The following PREP variants were observed in gnomAD, a reference collection of about 807,000 sequenced individuals.
PREP encodes the protein prolyl endopeptidase.
Under a neutral mutation model 87.6 loss-of-function variants are expected in PREP, and 29 were observed. The ratio of observed to expected loss-of-function variants is 0.33; its 90% CI spans 0.25 to 0.45. The LOEUF (loss-of-function observed/expected upper bound fraction) is 0.45. Ranked by LOEUF, PREP falls within the 20% of genes least tolerant of loss-of-function variation. PREP has a pLI of 1.00. For missense variants in PREP, 695 were observed against 886.5 expected, an observed-to-expected ratio of 0.78 and a Z score of 2.74; for synonymous variants, 337 against 328.6, an observed-to-expected ratio of 1.03 and a Z score of -0.28.
At chr6:105,313,619 A>T (rs1473134320) in intron 10 of PREP, among the ~76,000 whole-genome samples, 1 of 152,242 alleles carries the variant, frequency 6.6e-6, no homozygotes, top group Non-Finnish European at 1.5e-5. Context: ...AAATAGGGTG[A>T]GAGACACTGG....
At chr6:105,302,556 C>A in intron 10 of PREP, 1 of 394,902 alleles carries the variant, frequency 2.5e-6, no homozygotes, top group South Asian at 2.2e-5. Flanking sequence ...GTGGCGCAGG[C>A]GCATGTTTTC....
chr6:105,357,858 G>A (rs1273170175), intron 6 of PREP, among the ~76,000 whole-genome samples: 1 of 150,654 alleles, frequency 6.6e-6, no homozygotes, highest in Non-Finnish European at 1.5e-5. Flanking sequence ...AAGCAGGCAA[G>A]CCAAGAGCCC....
At chr6:105,372,667 G>A (rs1772590819) in intron 5 of PREP, among the ~76,000 whole-genome samples, 1 of 152,204 alleles carries the variant, frequency 6.6e-6, no homozygotes, top group South Asian at 2.1e-4. Context: ...ACCAACAGGT[G>A]ACCTATAACT....
At chr6:105,289,188 C>T (rs1434317026) in intron 10 of PREP, among the ~76,000 whole-genome samples, 1 of 152,186 alleles carries the variant, frequency 6.6e-6, no homozygotes, top group African/African-American at 2.4e-5. Flanking sequence ...CTCAATTCTG[C>T]ATCCCCACAT....
At position 105,282,531 on chromosome 6, in the gene PREP, G is replaced by A. The variant is rs766532606; in HGVS notation, c.1601C>T (p.Ala534Val). 2.5e-6 allele frequency: 4 copies of A among 1,614,146 alleles called. No homozygotes were observed. In the South Asian group the frequency reaches 3.3e-5, roughly 13 times the overall value. The change falls in exon 13 of 15, where the codon GCT becomes GTT. Residue 534 changes from alanine (A) to valine (V), a missense_variant. Physicochemically the swap from Ala to Val is moderately conservative, Grantham distance 64. This residue lies in a region of PREP where 35 missense variants were observed against 36.0 expected (regional missense o/e 0.97). Coordinates refer to ENST00000652536, the MANE Select transcript of PREP (RefSeq NM_002726.5). ...GTAACCTTCCTTGATCAGATACTCA[G>A]CAGCACACTGAAAGTCATCAAAGCA... ...QNCFDDFQCA[A>V]EYLIKEGYTS... is the part of the protein sequence containing the mutation.
At chr6:105,338,995 C>T (rs1771557043) in intron 7 of PREP, among the ~76,000 whole-genome samples, 1 of 152,220 alleles carries the variant, frequency 6.6e-6, no homozygotes, top group Non-Finnish European at 1.5e-5. Context: ...GAAACTTCTG[C>T]AGACTTAAAC....
intron 1 of PREP, among the ~76,000 whole-genome samples, chr6:105,398,669 C>T (rs1773347275): frequency 6.6e-6 from 1 of 152,136 alleles, no homozygotes; most frequent in Non-Finnish European, 1.5e-5. Flanking sequence ...TCTGGAGCTT[C>T]TAAGGCCTGG....
At chr6:105,377,923 C>G (rs914166068) in intron 2 of PREP, among the ~76,000 whole-genome samples, 1 of 152,168 alleles carries the variant, frequency 6.6e-6, no homozygotes, top group Non-Finnish European at 1.5e-5. Context: ...CCCAGATCCA[C>G]GCTCCTAACA....
chr6:105,395,424 C>T (rs931236612), intron 2 of PREP, among the ~76,000 whole-genome samples: 5 of 152,176 alleles, frequency 3.3e-5, no homozygotes, highest in African/African-American at 1.2e-4. Flanking sequence ...TTTAATCACT[C>T]AGCACCTCAA....
intron 5 of PREP, among the ~76,000 whole-genome samples, chr6:105,370,707 G>A (rs185516276): frequency 3.3e-5 from 5 of 152,312 alleles, no homozygotes; most frequent in East Asian, 1.9e-4. Context: ...GAGCCATCAA[G>A]CTGGGAAAAG....
intron 2 of PREP, among the ~76,000 whole-genome samples, chr6:105,380,471 G>A (rs773043689): frequency 2.0e-5 from 3 of 152,152 alleles, no homozygotes; most frequent in Non-Finnish European, 4.4e-5. Flanking sequence ...ACCGTGCTTT[G>A]GACAGAGAAC....
At chr6:105,313,157 A>G (rs1770794151) in intron 10 of PREP, among the ~76,000 whole-genome samples, 1 of 152,240 alleles carries the variant, frequency 6.6e-6, no homozygotes, top group Non-Finnish European at 1.5e-5. Context: ...ACACTTGTGG[A>G]GATGGAAATT....
intron 2 of PREP, among the ~76,000 whole-genome samples, chr6:105,390,671 G>A (rs2114729475): frequency 6.6e-6 from 1 of 152,320 alleles, no homozygotes; most frequent in Non-Finnish European, 1.5e-5. Context: ...GACACAATAA[G>A]ATGGAGTAAG....
intron 2 of PREP, among the ~76,000 whole-genome samples, chr6:105,394,741 G>C (rs931235477): frequency 6.6e-6 from 1 of 152,190 alleles, no homozygotes; most frequent in Admixed American, 6.5e-5. Flanking sequence ...GAAGATGGCT[G>C]TACTCCAGCC....
intron 10 of PREP, among the ~76,000 whole-genome samples, chr6:105,290,046 C>T (rs982454823): frequency 6.6e-6 from 1 of 151,978 alleles, no homozygotes; most frequent in African/African-American, 2.4e-5. Flanking sequence ...TTGAAACCTG[C>T]CAAGAAACAG....
At chr6:105,402,788 G>A in intron 1 of PREP, 59 bp downstream of exon 1, 1 of 1,462,164 alleles carries the variant, frequency 6.8e-7, no homozygotes, top group South Asian at 1.3e-5. Context: ...GGTGCCACGG[G>A]TCAGGCAGGC....
intron 7 of PREP, 111 bp downstream of exon 7, chr6:105,352,861 A>G: frequency 1.1e-6 from 1 of 919,048 alleles, no homozygotes; most frequent in South Asian, 1.6e-5. Flanking sequence ...ATGAACTGAC[A>G]TGATGTGGTA....
At chr6:105,401,181 G>GAAATATCAA (rs1209900469) in intron 1 of PREP, among the ~76,000 whole-genome samples, 1 of 152,184 alleles carries the variant, frequency 6.6e-6, no homozygotes, top group Non-Finnish European at 1.5e-5. Flanking sequence ...AACCTTTCAT[G>GAAATATCAA]AAATATCAAA....
At chr6:105,340,161 A>C (rs2114667688) in intron 7 of PREP, among the ~76,000 whole-genome samples, 1 of 152,344 alleles carries the variant, frequency 6.6e-6, no homozygotes, top group Non-Finnish European at 1.5e-5. Context: ...GGTAACCCAC[A>C]AAGGGAAGCC....
Sources: allele counts gnomAD v4.1 joint callset (sites outside exome capture counted in the v4.1 genomes callset), GRCh38; gene constraint gnomAD v4.1.1; regional missense constraint gnomAD v4.1.1; transcripts MANE v1.5; gene names NCBI Gene and HGNC (gene_info 2026-07-23, HGNC 2026-07-21).